The following TMEM74 variants were observed in gnomAD, a reference collection of about 807,000 sequenced individuals.
TMEM74 encodes transmembrane protein 74.
TMEM74 carries 13 observed loss-of-function variants against 18.1 expected under a neutral mutation model. The observed-to-expected ratio is 0.72, with a 90% CI of 0.47 to 1.14. The LOEUF (loss-of-function observed/expected upper bound fraction) is 1.14. Ranked by LOEUF, TMEM74 falls within the 50% of genes most tolerant of loss-of-function variation. The pLI is 0.00. For synonymous variants in TMEM74, 159 were observed against 146.6 expected, an observed-to-expected ratio of 1.08 and a Z score of -0.61; for missense variants, 372 against 375.9, an observed-to-expected ratio of 0.99 and a Z score of 0.09.
intron 1 of TMEM74, among the ~76,000 whole-genome samples, chr8:108,771,273 A>T (rs574050670): frequency 1.2e-4 from 18 of 152,190 alleles, no homozygotes; most frequent in Non-Finnish European, 2.5e-4. Context: ...AATAAAATGG[A>T]GGTAACAAAA....
chr8:108,702,364 A>G (rs1029746322), intron 1 of TMEM74, among the ~76,000 whole-genome samples: 1 of 146,130 alleles, frequency 6.8e-6, no homozygotes, highest in African/African-American at 2.5e-5. Flanking sequence ...AAAAAAAAAG[A>G]AAGAAAAGCC....
At position 108,782,455 on chromosome 8, in the gene TMEM74, T is replaced by A. The variant is rs778579945; in HGVS notation, c.*1726A>T. ...ATTTTTACTTAATAATTCTTTCATA[T>A]GCCCATCCTCTCTTTTTACTATCTT... On this transcript the variant is annotated 3_prime_UTR_variant, in exon 2 of 2. Coordinates refer to ENST00000297459, the MANE Select transcript of TMEM74 (RefSeq NM_153015.3). 1.4e-4 allele frequency among the ~76,000 whole-genome samples: 22 copies of A among 152,174 alleles called. No individual in the cohort carries two copies. Among genetic ancestry groups the A allele is most frequent in the Non-Finnish European group, 2.5e-4 (17 of 68,008 alleles).
At chr8:108,621,810 G>A (rs1229320786) in intron 2 of TMEM74, among the ~76,000 whole-genome samples, 3 of 152,046 alleles carry the variant, frequency 2.0e-5, no homozygotes, top group Admixed American at 6.6e-5. Flanking sequence ...AAATGAGGAT[G>A]GTAATAATAA....
At chr8:108,608,029 C>A (rs534278070) in intron 3 of TMEM74, among the ~76,000 whole-genome samples, 2 of 151,932 alleles carry the variant, frequency 1.3e-5, no homozygotes, top group African/African-American at 4.8e-5. Flanking sequence ...AACGGCCAGG[C>A]GCAGTGGCTC....
intron 1 of TMEM74, among the ~76,000 whole-genome samples, chr8:108,685,983 A>G (rs1813163647): frequency 1.3e-5 from 2 of 152,176 alleles, no homozygotes; most frequent in Admixed American, 6.5e-5. Flanking sequence ...CCTGAATAAA[A>G]GCTTTAAAAT....
intron 1 of TMEM74, among the ~76,000 whole-genome samples, chr8:108,749,783 C>T (rs1429647709): frequency 6.6e-6 from 1 of 152,044 alleles, no homozygotes; most frequent in Non-Finnish European, 1.5e-5. Context: ...ATCACATGTG[C>T]CCATGATCTG....
chr8:108,744,649 G>T (rs116053503), intron 1 of TMEM74, among the ~76,000 whole-genome samples: 185 of 152,272 alleles, frequency 1.2e-3, no homozygotes, highest in African/African-American at 4.1e-3. Flanking sequence ...CAAGGTGGAG[G>T]ACTTAAGTCT....
At chr8:108,652,908 C>A in intron 2 of TMEM74, 1 of 429,016 alleles carries the variant, frequency 2.3e-6, no homozygotes, top group South Asian at 2.0e-5. Context: ...TAGACAGTGC[C>A]CTGTGTGAAG....
At chr8:108,664,719 G>A (rs568936222) in intron 1 of TMEM74, among the ~76,000 whole-genome samples, 1 of 151,980 alleles carries the variant, frequency 6.6e-6, no homozygotes, top group Non-Finnish European at 1.5e-5. Flanking sequence ...TGGCCTACAG[G>A]TATCTGCTAA....
intron 1 of TMEM74, among the ~76,000 whole-genome samples, chr8:108,702,841 G>A (rs897098318): frequency 7.1e-6 from 1 of 140,750 alleles, no homozygotes; most frequent in Non-Finnish European, 1.5e-5. Context: ...TGGTAAGCAC[G>A]TTTTTTCTGT....
chr8:108,640,446 C>G (rs1312890827), intron 2 of TMEM74, among the ~76,000 whole-genome samples: 1 of 151,570 alleles, frequency 6.6e-6, no homozygotes, highest in Non-Finnish European at 1.5e-5. Context: ...TTTATTTTAG[C>G]TTCATCATTT....
intron 1 of TMEM74, among the ~76,000 whole-genome samples, chr8:108,684,589 C>T (rs1175867943): frequency 2.6e-5 from 4 of 151,908 alleles, no homozygotes; most frequent in Non-Finnish European, 5.9e-5. Flanking sequence ...GATATAATCC[C>T]ATTTGTTTAT....
intron 1 of TMEM74, among the ~76,000 whole-genome samples, chr8:108,753,845 G>A (rs924978119): frequency 4.0e-5 from 6 of 151,880 alleles, no homozygotes; most frequent in African/African-American, 1.5e-4. Flanking sequence ...GCATTTATTT[G>A]TGTGAATCAA....
intron 2 of TMEM74, among the ~76,000 whole-genome samples, chr8:108,620,078 C>A (rs1441136828): frequency 6.6e-6 from 1 of 152,094 alleles, no homozygotes; most frequent in African/African-American, 2.4e-5. Context: ...ATTTACCTTG[C>A]TATTATCATT....
At chr8:108,626,108 A>G (rs903784938) in intron 2 of TMEM74, among the ~76,000 whole-genome samples, 2 of 152,060 alleles carry the variant, frequency 1.3e-5, no homozygotes, top group African/African-American at 2.4e-5. Context: ...TGATGACTCA[A>G]GACAAATTTC....
chr8:108,666,240 A>G (rs1160059929), intron 1 of TMEM74, among the ~76,000 whole-genome samples: 1 of 152,178 alleles, frequency 6.6e-6, no homozygotes, highest in South Asian at 2.1e-4. Context: ...GTTATCCAAT[A>G]ATCAGCTGGC....
intron 1 of TMEM74, among the ~76,000 whole-genome samples, chr8:108,735,265 T>C (rs1813736733): frequency 6.6e-6 from 1 of 152,206 alleles, no homozygotes; most frequent in African/African-American, 2.4e-5. Context: ...GATTTTAATA[T>C]ATTCTCAGAT....
rs570859314 is a variant in TMEM74, at chr8:108,707,780, T to G, written n.120-52343A>C. Reference sequence around the variant, plus strand: ...GGGTAAAATCTTCTTGTCGTTGGTTTAAAAATGACTTCTTGGATATGACAC... The same window carrying G: ...GGGTAAAATCTTCTTGTCGTTGGTTGAAAAATGACTTCTTGGATATGACAC... On this transcript the variant is annotated intron_variant and non_coding_transcript_variant, in intron 1 of 3. Coordinates refer to the TMEM74 transcript ENST00000518838. 5.8e-4 allele frequency among the ~76,000 whole-genome samples: 89 copies of G among 152,280 alleles called. 1 individual carries two copies. The highest frequency in any genetic ancestry group is 2.1e-3 in the African/African-American group (88 of 41,552).
intron 1 of TMEM74, among the ~76,000 whole-genome samples, chr8:108,683,083 A>G (rs185397795): frequency 6.6e-6 from 1 of 152,018 alleles, no homozygotes; most frequent in African/African-American, 2.4e-5. Flanking sequence ...ATTATCTAAG[A>G]AGGTATAAAT....
Sources: gnomAD v4.1 joint callset for allele counts (sites outside exome capture counted in the v4.1 genomes callset) on GRCh38, gnomAD v4.1.1 for gene constraint, MANE v1.5 for transcripts, NCBI Gene and HGNC (gene_info 2026-07-23, HGNC 2026-07-21) for gene names.